The following CNTN6 variants were observed in gnomAD, a reference collection of about 807,000 sequenced individuals.
The protein encoded by CNTN6 is contactin-6.
Under a neutral mutation model 122.8 loss-of-function variants are expected in CNTN6, and 137 were observed. That is an observed-to-expected ratio of 1.12 (90% confidence interval 0.97 to 1.29). CNTN6 has a LOEUF of 1.29. Ranked by LOEUF, CNTN6 falls within the 50% of genes most tolerant of loss-of-function variation. The pLI, the probability that CNTN6 is intolerant of heterozygous loss-of-function variation, is 0.00. For synonymous variants in CNTN6, 570 were observed against 426.0 expected, an observed-to-expected ratio of 1.34 and a Z score of -4.16; for missense variants, 1,634 against 1,223.4, an observed-to-expected ratio of 1.34 and a Z score of -5.01.
At chr3:1,245,914 T>TAA (rs59509148) in intron 4 of CNTN6, among the ~76,000 whole-genome samples, 8,517 of 148,918 alleles carry the variant, frequency 0.057, 323 homozygotes, top group East Asian at 0.15. Context: ...GCTGATGAGC[T>TAA]AAAAAAAAAA....
At chr3:1,324,147 A>G (rs1429015228) in intron 8 of CNTN6, among the ~76,000 whole-genome samples, 4 of 149,518 alleles carry the variant, frequency 2.7e-5, no homozygotes, top group African/African-American at 7.6e-5. Context: ...TGCAGGAAGC[A>G]CATTCTGTAA....
In CNTN6 at chr3:1,403,429, C is replaced by T. The variant is rs777504726; in HGVS notation, c.*11C>T. The T allele has an allele frequency of 6.4e-7, 1 of 1,557,090 alleles. No individual in the cohort carries two copies. Among genetic ancestry groups the T allele is most frequent in the Non-Finnish European group, 8.8e-7 (1 of 1,130,402 alleles). On this transcript the variant is annotated 3_prime_UTR_variant, in exon 23 of 23. Transcript: ENST00000446702. The stretch of plus-strand genomic sequence containing the variant: ...CAGCCACTTATCTGATGAATAAAAC[C>T]ATAAATCTTTGAGAGTTTTTTGAAA...
chr3:1,307,347 G>T (rs183443065), intron 7 of CNTN6, among the ~76,000 whole-genome samples: 2 of 152,202 alleles, frequency 1.3e-5, no homozygotes, highest in Non-Finnish European at 2.9e-5. Context: ...GTATTTCTGA[G>T]AAATGGAAAA....
In CNTN6 at chr3:1,321,779, C is replaced by T. The variant is rs1466575158; in HGVS notation, c.891C>T (p.Cys297=). 1.5e-5 allele frequency: 24 copies of T among 1,611,228 alleles called. No individual in the cohort carries two copies. The highest frequency in any genetic ancestry group is 2.0e-5 in the Non-Finnish European group (23 of 1,178,392). ...AAGAAGATGAAGGCTTTTATGAGTG[C>T]ATTGCAAGCAACCTTCGAGGAAGAA... ...FQQEDEGFYE[C]IASNLRGRNL... Residue 297 remains cysteine, a synonymous_variant, in exon 8 of 23, where the codon TGC becomes TGT. Coordinates refer to ENST00000446702, the MANE Select transcript of CNTN6 (RefSeq NM_001289080.2).
chr3:1,281,637 G>T (rs1302281956), intron 5 of CNTN6, among the ~76,000 whole-genome samples: 1 of 151,968 alleles, frequency 6.6e-6, no homozygotes, highest in African/African-American at 2.4e-5. Context: ...CCTAATTTTT[G>T]TATTTTTAGT....
chr3:1,129,854 A>G (rs1468043556), intron 1 of CNTN6, among the ~76,000 whole-genome samples: 4 of 140,940 alleles, frequency 2.8e-5, no homozygotes, highest in Admixed American at 6.9e-5. Flanking sequence ...TTTGAAAACT[A>G]TTTACATCAA....
chr3:1,271,162 G>T lies in CNTN6; in HGVS notation c.359-7251G>T, dbSNP rs73111105. Among the ~76,000 whole-genome samples, 681 of 152,294 alleles carry T rather than the reference G, an allele frequency of 4.5e-3. 4 individuals are homozygous for T. Among genetic ancestry groups the T allele is most frequent in the African/African-American group, 0.016 (654 of 41,554 alleles). On this transcript the variant is annotated intron_variant, in intron 4 of 22. Transcript: ENST00000446702. ...CAAATTGCTGGGATTACAGGCTGGA[G>T]CCATGGCGCCTTGTCTAGAAACACA...
chr3:1,387,803 A>G (rs1460286911), intron 20 of CNTN6, among the ~76,000 whole-genome samples: 2 of 152,176 alleles, frequency 1.3e-5, no homozygotes, highest in Non-Finnish European at 2.9e-5. Context: ...GGGGTGACGG[A>G]CGCACCTGGA....
At chr3:1,116,078 A>C (rs2125040294) in intron 1 of CNTN6, among the ~76,000 whole-genome samples, 1 of 152,280 alleles carries the variant, frequency 6.6e-6, no homozygotes, top group African/African-American at 2.4e-5. Context: ...TGTATTCCAA[A>C]ATTATGTAAA....
Position 1,373,647 on chromosome 3 carries a change from C to T in CNTN6, c.1830C>T (p.Ser610=), listed in dbSNP as rs1709427466. ...PPEDVQVEDI[S]STTSQLSWRA... is the part of the protein sequence containing the mutation. ...AGGATGTGCAAGTGGAAGACATTTC[C>T]AGTACTACTTCTCAACTAAGTTGGA... is the stretch of plus-strand genomic sequence containing the variant. The change falls in exon 15 of 23, where the codon TCC becomes TCT. Residue 610 remains serine, a synonymous_variant. Transcript: ENST00000446702. 1 of 1,612,650 alleles carries T rather than the reference C, an allele frequency of 6.2e-7. No homozygotes were observed. Among genetic ancestry groups the T allele is most frequent in the Non-Finnish European group, 8.5e-7 (1 of 1,179,276 alleles).
chr3:1,284,539 C>T (rs972050743), intron 5 of CNTN6, among the ~76,000 whole-genome samples: 7 of 152,050 alleles, frequency 4.6e-5, no homozygotes. Context: ...GGTATTCACT[C>T]AACAAATATT....
At chr3:1,288,166 A>G (rs1458207976) in intron 5 of CNTN6, among the ~76,000 whole-genome samples, 1 of 152,154 alleles carries the variant, frequency 6.6e-6, no homozygotes, top group South Asian at 2.1e-4. Context: ...ACTTAGCAAT[A>G]TTAGGAACCC....
intron 4 of CNTN6, among the ~76,000 whole-genome samples, chr3:1,276,050 G>A (rs947783838): frequency 6.6e-6 from 1 of 152,038 alleles, no homozygotes; most frequent in Non-Finnish European, 1.5e-5. Context: ...CCATAGTAAG[G>A]TTGTTAAAAA....
chr3:1,349,992 G>T (rs1252889448), intron 11 of CNTN6, among the ~76,000 whole-genome samples: 1 of 151,426 alleles, frequency 6.6e-6, no homozygotes, highest in Non-Finnish European at 1.5e-5. Context: ...AAATCAATTT[G>T]GTTACTAGTT....
rs1296221067 is a variant in CNTN6, at chr3:1,292,781, T to G, written c.455-2820T>G. ...AAAAATGCATAGCAATTTAAAATTATAATACGACAGAAACACATTACAAAG... is the reference window on the plus strand; with the variant it reads ...AAAAATGCATAGCAATTTAAAATTAGAATACGACAGAAACACATTACAAAG... On this transcript the variant is annotated intron_variant, in intron 5 of 22. Coordinates refer to ENST00000446702, the MANE Select transcript of CNTN6 (RefSeq NM_001289080.2). Among the ~76,000 whole-genome samples, 5 of 152,274 alleles carry G rather than the reference T, an allele frequency of 3.3e-5. No individual in the cohort carries two copies. The East Asian group carries it at 9.7e-4, about 29-fold the overall frequency.
Position 1,383,145 on chromosome 3 carries a change from T to A in CNTN6, c.2370T>A (p.Ser790Arg). 3 of 1,613,974 alleles carry A rather than the reference T, an allele frequency of 1.9e-6. No homozygotes were observed. The highest frequency in any genetic ancestry group is 2.2e-5 in the South Asian group (2 of 91,076). Residue 790 changes from serine (S) to arginine (R), a missense_variant, in exon 18 of 23, where the codon AGT becomes AGA. Transcript: ENST00000446702. ...ATAATGAAGGAGAAGGATCCCTGAGTACTGTGACCATTGTCTACTCTGGGG... is the reference window on the plus strand; with the variant it reads ...ATAATGAAGGAGAAGGATCCCTGAGAACTGTGACCATTGTCTACTCTGGGG... Reference protein sequence around the residue: ...VYNNEGEGSLSTVTIVYSGED... With the variant: ...VYNNEGEGSLRTVTIVYSGED...
At chr3:1,382,854 G>T in intron 17 of CNTN6, 88 bp from the exon 18 acceptor site, 1 of 886,448 alleles carries the variant, frequency 1.1e-6, no homozygotes, top group Non-Finnish European at 1.8e-6. Flanking sequence ...TGTCTCTATG[G>T]AAGAAATGTG....
intron 20 of CNTN6, among the ~76,000 whole-genome samples, chr3:1,390,484 C>T (rs1461447633): frequency 2.0e-5 from 3 of 151,770 alleles, no homozygotes; most frequent in Admixed American, 6.6e-5. Flanking sequence ...GACACCCTAA[C>T]ATCACAATTA....
In CNTN6 at chr3:1,180,060, C is replaced by T. The variant is rs571601905; in HGVS notation, c.55+31997C>T. Among the ~76,000 whole-genome samples the T allele has an allele frequency of 2.9e-3, 436 of 152,160 alleles. 3 individuals are homozygous for T. Among genetic ancestry groups the T allele is most frequent in the African/African-American group, 0.01 (420 of 41,530 alleles). ...AAAAGTTATGAATTTGCAATTTGTC[C>T]AATTCTTTTTTAATGCTGAGAGTGG... On this transcript the variant is annotated intron_variant, in intron 2 of 22. Coordinates refer to ENST00000446702, the MANE Select transcript of CNTN6 (RefSeq NM_001289080.2).
Sources: gnomAD v4.1 joint callset for allele counts (sites outside exome capture counted in the v4.1 genomes callset) on GRCh38, gnomAD v4.1.1 for gene constraint, MANE v1.5 for transcripts, NCBI Gene and HGNC (gene_info 2026-07-23, HGNC 2026-07-21) for gene names.